The following ITFG1 variants were observed in gnomAD, a reference collection of about 807,000 sequenced individuals.
The protein encoded by ITFG1 is T-cell immunomodulatory protein.
In ITFG1, 34 loss-of-function variants were observed where a neutral mutation model predicts 81.8. That is an observed-to-expected ratio of 0.42 (90% CI 0.32 to 0.55). The LOEUF is 0.55. Among genes scored for constraint, ITFG1 ranks in the 20% least tolerant of loss-of-function variants. ITFG1 has a pLI of 0.17. For missense variants in ITFG1, 672 were observed against 755.4 expected (o/e 0.89, Z 1.29); for synonymous variants, 285 against 270.6 (o/e 1.05, Z -0.52).
chr16:47,159,529 A>G (rs1195669917), intron 16 of ITFG1, among the ~76,000 whole-genome samples: 2 of 152,148 alleles, frequency 1.3e-5, no homozygotes, highest in Non-Finnish European at 2.9e-5. Flanking sequence ...CATTACTACA[A>G]TGACTTTTAG....
chr16:47,173,390 C>A (rs1339192669), intron 14 of ITFG1, among the ~76,000 whole-genome samples: 1 of 152,052 alleles, frequency 6.6e-6, no homozygotes, highest in Non-Finnish European at 1.5e-5. Flanking sequence ...CTAGAACAGG[C>A]CTAGCATATA....
At chr16:47,362,888 C>CTTAT (rs199766083) in intron 8 of ITFG1, among the ~76,000 whole-genome samples, 2,266 of 151,682 alleles carry the variant, frequency 0.015, 56 homozygotes, top group African/African-American at 0.051. Context: ...TTCTTTCTTT[C>CTTAT]TTATTTATTT....
At chr16:47,380,821 T>A (rs1445861050) in intron 6 of ITFG1, among the ~76,000 whole-genome samples, 1 of 152,232 alleles carries the variant, frequency 6.6e-6, no homozygotes, top group Non-Finnish European at 1.5e-5. Flanking sequence ...ATAGCTGATA[T>A]CACTGGTATT....
chr16:47,231,583 C>T (rs943872642), intron 13 of ITFG1, among the ~76,000 whole-genome samples: 1 of 152,136 alleles, frequency 6.6e-6, no homozygotes, highest in African/African-American at 2.4e-5. Context: ...GTACCTGAAA[C>T]ACAAATGGAA....
intron 6 of ITFG1, among the ~76,000 whole-genome samples, chr16:47,390,922 CA>C (rs1968522424): frequency 1.3e-5 from 2 of 152,056 alleles, no homozygotes; most frequent in African/African-American, 2.4e-5. Flanking sequence ...AGTGATTAGA[CA>C]ACTATTTCAA....
At chr16:47,375,984 T>C (rs762141997) in intron 6 of ITFG1, 44 bp from the exon 7 acceptor site, 1 of 1,164,230 alleles carries the variant, frequency 8.6e-7, no homozygotes, top group South Asian at 1.3e-5. Context: ...GTAGTCTTAC[T>C]GATGTGTACA....
intron 7 of ITFG1, among the ~76,000 whole-genome samples, chr16:47,373,406 C>T (rs936377374): frequency 1.3e-5 from 2 of 152,068 alleles, no homozygotes; most frequent in African/African-American, 4.8e-5. Flanking sequence ...CCTCAGCCTC[C>T]GAATAGCTGG....
intron 9 of ITFG1, chr16:47,312,404 GT>G (rs1260663766): frequency 6.6e-6 from 1 of 151,984 alleles, no homozygotes; most frequent in Admixed American, 6.6e-5. Flanking sequence ...TTGAAAAGGG[GT>G]TAATAAACAG....
chr16:47,331,208 C>G (rs1188384646), intron 8 of ITFG1, among the ~76,000 whole-genome samples: 1 of 152,106 alleles, frequency 6.6e-6, no homozygotes, highest in African/African-American at 2.4e-5. Context: ...AGTGAATTAA[C>G]ACAGAAACAG....
chr16:47,425,589 CT>C (rs552533924), intron 6 of ITFG1, among the ~76,000 whole-genome samples: 15,823 of 135,144 alleles, frequency 0.12, 1,798 homozygotes, highest in African/African-American at 0.31. Context: ...AGTGACGCTC[CT>C]TTTTTTTTTT....
chr16:47,422,359 T>C (rs1203715877), intron 6 of ITFG1, among the ~76,000 whole-genome samples: 1 of 152,234 alleles, frequency 6.6e-6, no homozygotes, highest in African/African-American at 2.4e-5. Context: ...GACTTTTCAA[T>C]GATGGACATT....
At chr16:47,319,263 C>G (rs1056373072) in intron 8 of ITFG1, among the ~76,000 whole-genome samples, 1 of 152,188 alleles carries the variant, frequency 6.6e-6, no homozygotes, top group Non-Finnish European at 1.5e-5. Flanking sequence ...CAGCTCATTG[C>G]AGATAAAAGT....
chr16:47,382,205 T>C (rs756450803), intron 6 of ITFG1, among the ~76,000 whole-genome samples: 7 of 152,208 alleles, frequency 4.6e-5, no homozygotes, highest in African/African-American at 9.6e-5. Flanking sequence ...GAGTATTGGT[T>C]TGAAACCTCT....
chr16:47,375,790 G>A (rs1271864994), intron 7 of ITFG1, 86 bp downstream of exon 7: 2 of 855,168 alleles, frequency 2.3e-6, no homozygotes, highest in Non-Finnish European at 4.0e-6. Flanking sequence ...AATCAACCAA[G>A]TGATTATTTT....
intron 14 of ITFG1, among the ~76,000 whole-genome samples, chr16:47,198,539 T>G (rs1026895433): frequency 6.6e-6 from 1 of 152,246 alleles, no homozygotes; most frequent in African/African-American, 2.4e-5. Flanking sequence ...ACTGTACTTT[T>G]AATCATTCTT....
intron 8 of ITFG1, among the ~76,000 whole-genome samples, chr16:47,338,252 A>G (rs1236052335): frequency 1.3e-5 from 2 of 152,178 alleles, no homozygotes; most frequent in African/African-American, 4.8e-5. Flanking sequence ...TCTAGTAAAC[A>G]TAAAAAACAT....
Position 47,323,728 on chromosome 16 carries a change from A to T in ITFG1, c.803-9905T>A, listed in dbSNP as rs142432865. ...ATGTGAATCAAGGTAAAAGCTGACT[A>T]TCTCAGTGAGTTGGGGTAGTAATGG... On this transcript the variant is annotated intron_variant, in intron 8 of 17. Coordinates refer to ENST00000320640, the MANE Select transcript of ITFG1 (RefSeq NM_030790.5). Among the ~76,000 whole-genome samples, 1,089 of 152,210 alleles carry T rather than the reference A, an allele frequency of 7.2e-3. 17 individuals carry two copies. The highest frequency in any genetic ancestry group is 0.025 in the African/African-American group (1,043 of 41,520).
intron 8 of ITFG1, among the ~76,000 whole-genome samples, chr16:47,317,029 A>G (rs964877242): frequency 2.6e-5 from 4 of 152,164 alleles, no homozygotes; most frequent in Non-Finnish European, 5.9e-5. Context: ...TCAAAAACTC[A>G]AGAGAAACTG....
chr16:47,166,109 A>G (rs897117736), intron 14 of ITFG1, among the ~76,000 whole-genome samples: 2 of 152,216 alleles, frequency 1.3e-5, no homozygotes, highest in Non-Finnish European at 2.9e-5. Flanking sequence ...CTTAAGACTG[A>G]TAGAACAGAC....
Sources: allele counts gnomAD v4.1 joint callset (sites outside exome capture counted in the v4.1 genomes callset), GRCh38; gene constraint gnomAD v4.1.1; transcripts MANE v1.5; gene names NCBI Gene and HGNC (gene_info 2026-07-23, HGNC 2026-07-21).